KLF15: variants seen among roughly 807,000 people sequenced by gnomAD.
KLF15 encodes Krueppel-like factor 15.
In KLF15, 4 loss-of-function variants were observed where a neutral mutation model predicts 24.6. That is an observed-to-expected ratio of 0.16 (90% confidence interval 0.08 to 0.37). KLF15 has a LOEUF of 0.37. Ranked by LOEUF, KLF15 falls within the 10% of genes least tolerant of loss-of-function variation. The probability of loss-of-function intolerance (pLI) is 1.00; values close to 1 mark genes in which losing one functional copy is unlikely to be tolerated. For synonymous variants in KLF15, 246 were observed against 236.3 expected, an observed-to-expected ratio of 1.04 and a Z score of -0.37; for missense variants, 496 against 560.6, an observed-to-expected ratio of 0.88 and a Z score of 1.16.
chr3:126,347,095 T>C (rs927443879), intron 2 of KLF15, among the ~76,000 whole-genome samples: 3 of 152,162 alleles, frequency 2.0e-5, no homozygotes, highest in Admixed American at 2.0e-4. Context: ...GCACTATGAT[T>C]TGTGCTGAGC....
rs761985425 is a variant in KLF15 at position 126,351,927 on chromosome 3, G to A, written c.996C>T (p.Tyr332=). 6.2e-7 allele frequency: 1 copy of A among 1,613,796 alleles called. No individual in the cohort carries two copies. The highest frequency in any genetic ancestry group is 8.5e-7 in the Non-Finnish European group (1 of 1,179,952). ...GGGCCTTGAGGTGGCTGCTTTTGGT[G>A]TACATCTTGCTGCAGCCAGGGAAAG... The part of the protein sequence containing the change: ...KCTFPGCSKM[Y]TKSSHLKAHL... The change falls in exon 2 of 3, where the codon TAC becomes TAT. Residue 332 remains tyrosine, a synonymous_variant. Transcript: ENST00000296233.
chr3:126,342,413 G>A (rs1019033288), downstream of KLF15, among the ~76,000 whole-genome samples: 5 of 152,196 alleles, frequency 3.3e-5, no homozygotes, highest in Non-Finnish European at 5.9e-5. Context: ...GGAGCTCCAG[G>A]TCAGGGAGCC....
At chr3:126,327,252 G>C in the KLF15 span, among the ~76,000 whole-genome samples, 1 of 152,162 alleles carries the variant, frequency 6.6e-6, no homozygotes, top group African/African-American at 2.4e-5. Context: ...AAGTATAGCA[G>C]GCAGTGAGGT....
chr3:126,342,287 G>A (rs2082485069), downstream of KLF15, among the ~76,000 whole-genome samples: 1 of 152,188 alleles, frequency 6.6e-6, no homozygotes, highest in South Asian at 2.1e-4. Context: ...CTGGATGGGG[G>A]TAGGAAGTGC....
chr3:126,356,079 G>A lies in KLF15; in HGVS notation c.-26+1158C>T, dbSNP rs543134514. 6.6e-6 allele frequency among the ~76,000 whole-genome samples: 1 copy of A among 152,288 alleles called. No homozygotes were observed. The highest frequency in any genetic ancestry group is 2.1e-4 in the South Asian group (1 of 4,826). On this transcript the variant is annotated intron_variant, in intron 1 of 2. Transcript: ENST00000296233. The surrounding 1 kb of genome is among the most constrained non-coding windows in gnomAD (Gnocchi z 4.4). Reference sequence around the variant, plus strand: ...CTGTTTATCCTCCCGGGGACACAGCGGCTGCAGGAACAACATGTAATTGAT... The same window carrying A: ...CTGTTTATCCTCCCGGGGACACAGCAGCTGCAGGAACAACATGTAATTGAT...
the KLF15 span, among the ~76,000 whole-genome samples, chr3:126,330,075 T>G: frequency 1.3e-5 from 2 of 152,310 alleles, no homozygotes; most frequent in Admixed American, 1.3e-4. Context: ...AGGTCTGAAA[T>G]GAGCTTGCAA....
chr3:126,352,286 G>A lies in KLF15; in HGVS notation c.637C>T (p.Pro213Ser), dbSNP rs2082590041. ...AGCAACACTGGGATGGGGCCATCAGGCGTGGGGCCCCCACCTGGGCCCTGG... is the reference window on the plus strand; with the variant it reads ...AGCAACACTGGGATGGGGCCATCAGACGTGGGGCCCCCACCTGGGCCCTGG... ...GAQGPGGGPT[P>S]DGPIPVLLQI... Residue 213 changes from proline to serine, a missense_variant, in exon 2 of 3, where the codon CCT becomes TCT. Transcript: ENST00000296233. 1.3e-6 allele frequency: 2 copies of A among 1,545,742 alleles called. No homozygotes were observed. Among genetic ancestry groups the A allele is most frequent in the South Asian group, 1.3e-5 (1 of 78,042 alleles).
chr3:126,306,922 T>C, the KLF15 span, among the ~76,000 whole-genome samples: 8 of 152,212 alleles, frequency 5.3e-5, no homozygotes, highest in Admixed American at 5.2e-4. Context: ...CCACCCAAGC[T>C]GTCTCCTTGC....
the KLF15 span, among the ~76,000 whole-genome samples, chr3:126,297,659 C>T: frequency 6.6e-6 from 1 of 152,220 alleles, no homozygotes; most frequent in African/African-American, 2.4e-5. Flanking sequence ...TTCGCATCCT[C>T]ATAGCTTAGC....
At chr3:126,313,360 G>A in the KLF15 span, among the ~76,000 whole-genome samples, 1 of 152,208 alleles carries the variant, frequency 6.6e-6, no homozygotes, top group African/African-American at 2.4e-5. Context: ...GGGGCATTCT[G>A]TTACGCAGCC....
the KLF15 span, among the ~76,000 whole-genome samples, chr3:126,330,875 CTA>C: frequency 1.6e-4 from 24 of 152,230 alleles, no homozygotes; most frequent in Non-Finnish European, 2.9e-4. Flanking sequence ...CTGAGAATGT[CTA>C]TGTCTCCAGT....
At chr3:126,327,699 C>A in the KLF15 span, among the ~76,000 whole-genome samples, 2 of 152,180 alleles carry the variant, frequency 1.3e-5, no homozygotes, top group Admixed American at 6.5e-5. Context: ...ATTCCAGAAA[C>A]TGAAGCCTGC....
chr3:126,352,413 G>A lies in KLF15; in HGVS notation c.510C>T (p.Cys170=). 1.2e-6 allele frequency: 2 copies of A among 1,613,482 alleles called. No homozygotes were observed. Among genetic ancestry groups the A allele is most frequent in the South Asian group, 1.1e-5 (1 of 91,078 alleles). Residue 170 remains cysteine, a synonymous_variant, in exon 2 of 3, where the codon TGC becomes TGT. Transcript: ENST00000296233. Reference sequence around the variant, plus strand: ...TGTGTGGCCCAGCTGAGAGCTGGCTGCAGGCATCCAAGTCCTTGCTGTTGC... The same window carrying A: ...TGTGTGGCCCAGCTGAGAGCTGGCTACAGGCATCCAAGTCCTTGCTGTTGC... ...PEGNSKDLDA[C]SQLSAGPHKS...
the KLF15 span, among the ~76,000 whole-genome samples, chr3:126,305,498 A>T: frequency 4.6e-5 from 7 of 152,256 alleles, no homozygotes; most frequent in Non-Finnish European, 7.3e-5. Flanking sequence ...GGAGGAAAAG[A>T]GTAGCCCTCT....
chr3:126,316,536 T>TGGGCCGGAGGAGGGGAGGGAGGACAC, the KLF15 span, among the ~76,000 whole-genome samples: 2 of 112,294 alleles, frequency 1.8e-5, no homozygotes, highest in African/African-American at 7.7e-5. Context: ...AGGGAGTACA[T>TGGGCCGGAGGAGGGGAGGGAGGACAC]GGGCCGGAGT....
chr3:126,294,592 G>A, the KLF15 span, among the ~76,000 whole-genome samples: 3 of 152,150 alleles, frequency 2.0e-5, no homozygotes, highest in Admixed American at 6.5e-5. Flanking sequence ...AGGGTGGCTC[G>A]AGTAATTTTT....
At chr3:126,329,083 T>A in the KLF15 span, among the ~76,000 whole-genome samples, 2 of 152,218 alleles carry the variant, frequency 1.3e-5, no homozygotes, top group African/African-American at 4.8e-5. Flanking sequence ...TAATGGCACC[T>A]GCATCTTGCT....
the KLF15 span, among the ~76,000 whole-genome samples, chr3:126,302,027 AT>A: frequency 6.6e-6 from 1 of 152,074 alleles, no homozygotes; most frequent in African/African-American, 2.4e-5. Flanking sequence ...AGTGCTATAA[AT>A]TTTCTCTAAG....
At chr3:126,323,466 ATATATGT>A in the KLF15 span, among the ~76,000 whole-genome samples, 5 of 77,626 alleles carry the variant, frequency 6.4e-5, no homozygotes, top group African/African-American at 3.3e-4. Context: ...TATATAACAT[ATATATGT>A]TATATATATA....
Sources: gnomAD v4.1 joint callset for allele counts (sites outside exome capture counted in the v4.1 genomes callset) on GRCh38, gnomAD v4.1.1 for gene constraint, Gnocchi (gnomAD v3.1) non-coding constraint, MANE v1.5 for transcripts, NCBI Gene and HGNC (gene_info 2026-07-23, HGNC 2026-07-21) for gene names.